SLC22A3: variants seen among roughly 807,000 people sequenced by gnomAD.
The protein encoded by SLC22A3 is solute carrier family 22 member 3.
A neutral mutation model predicts 59.1 loss-of-function variants in SLC22A3; 51 were observed. The observed-to-expected ratio is 0.86, with a 90% CI of 0.69 to 1.09. SLC22A3 has a LOEUF of 1.09. Ranked by LOEUF, SLC22A3 falls within the 50% of genes least tolerant of loss-of-function variation. The pLI, the probability that SLC22A3 is intolerant of heterozygous loss-of-function variation, is 0.00. For synonymous variants in SLC22A3, 325 were observed against 292.0 expected (o/e 1.11, Z -1.15); for missense variants, 711 against 726.3 (o/e 0.98, Z 0.24).
chr6:160,390,726 G>A (rs1465603895), intron 1 of SLC22A3, among the ~76,000 whole-genome samples: 1 of 152,102 alleles, frequency 6.6e-6, no homozygotes, highest in Non-Finnish European at 1.5e-5. Flanking sequence ...CTTCCTTGTT[G>A]TTTTATTAAT....
intron 1 of SLC22A3, among the ~76,000 whole-genome samples, chr6:160,369,226 G>A (rs1174259468): frequency 6.6e-6 from 1 of 152,174 alleles, no homozygotes; most frequent in Non-Finnish European, 1.5e-5. Flanking sequence ...CTGACATAGT[G>A]TATTGACAAA....
chr6:160,427,794 TC>T (rs955206294), intron 5 of SLC22A3, among the ~76,000 whole-genome samples: 1 of 152,338 alleles, frequency 6.6e-6, no homozygotes, highest in Admixed American at 6.5e-5. Flanking sequence ...TCATAGACAC[TC>T]AATTTGCCTT....
chr6:160,352,088 T>C (rs1025008530), intron 1 of SLC22A3, among the ~76,000 whole-genome samples: 1 of 152,270 alleles, frequency 6.6e-6, no homozygotes, highest in African/African-American at 2.4e-5. Flanking sequence ...TCAGCCAGAC[T>C]GGCAGATGGG....
At chr6:160,403,576 G>C (rs1786878595) in intron 2 of SLC22A3, among the ~76,000 whole-genome samples, 1 of 151,670 alleles carries the variant, frequency 6.6e-6, no homozygotes, top group Non-Finnish European at 1.5e-5. Context: ...ACCTAAATTG[G>C]ACAGACATTA....
rs779170058 is a variant in SLC22A3, at chr6:160,442,882, A to G, written c.1397+13A>G. Reference sequence around the variant, plus strand: ...CAACAACATTACGGTAATTCTAACAAACGTTATAGTTTCTCCTAAGTAACT... The same window carrying G: ...CAACAACATTACGGTAATTCTAACAGACGTTATAGTTTCTCCTAAGTAACT... On this transcript the variant is annotated intron_variant, in intron 8 of 10. Transcript: ENST00000275300. The G allele has an allele frequency of 7.6e-6, 12 of 1,578,886 alleles. No homozygotes were observed. The East Asian group carries it at 2.2e-4, about 29-fold the overall frequency.
chr6:160,426,440 T>C (rs1787956720), intron 5 of SLC22A3: 2 of 825,294 alleles, frequency 2.4e-6, no homozygotes, highest in Non-Finnish European at 2.9e-6. Flanking sequence ...TTGATTTTCT[T>C]CTCCCTTTCC....
intron 1 of SLC22A3, among the ~76,000 whole-genome samples, chr6:160,397,199 C>T (rs910171108): frequency 6.6e-6 from 1 of 152,218 alleles, no homozygotes; most frequent in Admixed American, 6.5e-5. Context: ...GATCATCAGG[C>T]ATTAGTTAGA....
chr6:160,353,315 G>C (rs1784722973), intron 1 of SLC22A3, among the ~76,000 whole-genome samples: 1 of 152,202 alleles, frequency 6.6e-6, no homozygotes, highest in African/African-American at 2.4e-5. Flanking sequence ...TCTGGCAGCT[G>C]ATATTTTGGA....
intron 5 of SLC22A3, among the ~76,000 whole-genome samples, chr6:160,422,952 G>A (rs759751273): frequency 2.0e-5 from 3 of 152,032 alleles, no homozygotes; most frequent in East Asian, 1.9e-4. Context: ...ATTTACATTA[G>A]GTGTATCTCC....
chr6:160,407,126 G>A lies in SLC22A3; in HGVS notation c.619G>A (p.Val207Met). The change falls in exon 3 of 11, where the codon GTG (valine) becomes ATG (methionine). Residue 207 changes from valine (V) to methionine (M), a missense_variant. Physicochemically the swap from Val to Met is conservative, Grantham distance 21. Transcript: ENST00000275300. ...VVVAFAPNFPVFVIFRFLQGV... is the reference protein window; with the variant it reads ...VVVAFAPNFPMFVIFRFLQGV... ...GGTGGCCTTTGCACCAAACTTCCCT[G>A]TGTTTGTGATCTTCCGCTTCCTGCA... is the stretch of plus-strand genomic sequence containing the variant. The A allele has an allele frequency of 6.2e-7, 1 of 1,612,310 alleles. No homozygotes were observed. The highest frequency in any genetic ancestry group is 1.1e-5 in the South Asian group (1 of 90,726).
Position 160,433,721 on chromosome 6 carries a change from T to A in SLC22A3, c.976-3059T>A, listed in dbSNP as rs574381983. ...GACCCTATCTCAAAAAAAATTTTTT[T>A]AAATTTTTTTAAAAAGTCAAACTAT... On this transcript the variant is annotated intron_variant, in intron 5 of 10. Coordinates refer to ENST00000275300, the MANE Select transcript of SLC22A3 (RefSeq NM_021977.4). Among the ~76,000 whole-genome samples the A allele has an allele frequency of 2.9e-4, 44 of 152,078 alleles. No homozygotes were observed. The South Asian group carries it at 6.0e-3, about 21-fold the overall frequency.
intron 2 of SLC22A3, among the ~76,000 whole-genome samples, chr6:160,401,671 A>G (rs1245204319): frequency 6.6e-6 from 1 of 151,986 alleles, no homozygotes; most frequent in African/African-American, 2.4e-5. Context: ...AGTTTATTCA[A>G]AATAATAGCA....
At chr6:160,419,098 A>T (rs1327908463) in intron 5 of SLC22A3, among the ~76,000 whole-genome samples, 1 of 152,168 alleles carries the variant, frequency 6.6e-6, no homozygotes, top group Non-Finnish European at 1.5e-5. Context: ...CATCAATATA[A>T]ATGATACCAT....
intron 1 of SLC22A3, among the ~76,000 whole-genome samples, chr6:160,364,529 T>C (rs1408952379): frequency 2.6e-5 from 4 of 152,194 alleles, no homozygotes; most frequent in African/African-American, 9.6e-5. Flanking sequence ...ACAAATTGGA[T>C]TGGGTTTTCA....
At chr6:160,380,069 T>C (rs1218393634) in intron 1 of SLC22A3, among the ~76,000 whole-genome samples, 1 of 152,180 alleles carries the variant, frequency 6.6e-6, no homozygotes, top group Non-Finnish European at 1.5e-5. Flanking sequence ...AAATAATGGA[T>C]ATTTATAGAA....
intron 1 of SLC22A3, among the ~76,000 whole-genome samples, chr6:160,382,913 C>T (rs1472934050): frequency 6.6e-6 from 1 of 152,106 alleles, no homozygotes; most frequent in Non-Finnish European, 1.5e-5. Flanking sequence ...AACAAACTTG[C>T]TAAACAGTCT....
At chr6:160,443,407 A>G (rs1464344444) in intron 8 of SLC22A3, among the ~76,000 whole-genome samples, 1 of 152,256 alleles carries the variant, frequency 6.6e-6, no homozygotes, top group Non-Finnish European at 1.5e-5. Context: ...TTGCTGATGG[A>G]TAACACCCTC....
chr6:160,439,089 G>A (rs1203309954), intron 7 of SLC22A3, among the ~76,000 whole-genome samples: 1 of 152,092 alleles, frequency 6.6e-6, no homozygotes, highest in Non-Finnish European at 1.5e-5. Flanking sequence ...TGGAGGATCT[G>A]TACAATAGCT....
At chr6:160,423,171 T>C (rs1787814586) in intron 5 of SLC22A3, among the ~76,000 whole-genome samples, 1 of 152,220 alleles carries the variant, frequency 6.6e-6, no homozygotes, top group East Asian at 1.9e-4. Context: ...TCATCCTTTT[T>C]TATGGCTGCA....
Sources: gnomAD v4.1 joint callset for allele counts (sites outside exome capture counted in the v4.1 genomes callset) on GRCh38, gnomAD v4.1.1 for gene constraint, MANE v1.5 for transcripts, NCBI Gene and HGNC (gene_info 2026-07-23, HGNC 2026-07-21) for gene names.